The following DMBX1 variants were observed in gnomAD, a reference collection of about 807,000 sequenced individuals.
DMBX1 encodes the protein diencephalon/mesencephalon homeobox 1, also known as diencephalon/mesencephalon homeobox protein 1.
In DMBX1, 7 loss-of-function variants were observed where a neutral mutation model predicts 30.4. The ratio of observed to expected loss-of-function variants is 0.23; its 90% CI spans 0.13 to 0.43. The LOEUF is 0.43. DMBX1 is among the 20% of genes least tolerant of loss of function. The probability of loss-of-function intolerance (pLI) is 1.00; values close to 1 mark genes in which losing one functional copy is unlikely to be tolerated. For missense variants in DMBX1, 460 were observed against 508.5 expected, an observed-to-expected ratio of 0.90 and a Z score of 0.92; for synonymous variants, 222 against 214.2, an observed-to-expected ratio of 1.04 and a Z score of -0.32.
chr1:46,503,452 G>A (rs1476187716), intron 2 of DMBX1, among the ~76,000 whole-genome samples: 1 of 152,208 alleles, frequency 6.6e-6, no homozygotes, highest in Non-Finnish European at 1.5e-5. Context: ...TAATAAATAT[G>A]TGTTGGATGA....
At chr1:46,500,563 AAAAG>A (rs1205372934) in intron 2 of DMBX1, among the ~76,000 whole-genome samples, 9 of 151,090 alleles carry the variant, frequency 6.0e-5, no homozygotes, top group African/African-American at 9.7e-5. Context: ...CCTCCCCCAA[AAAAG>A]AAAGAAAGAA....
chr1:46,501,245 T>C (rs12071192), intron 2 of DMBX1, among the ~76,000 whole-genome samples: 24,567 of 116,436 alleles, frequency 0.21, 3,034 homozygotes, highest in East Asian at 0.49. Context: ...TTTCTTTCTT[T>C]CTTTCTTTCT....
intron 5 of DMBX1, 89 bp downstream of exon 5, chr1:46,511,372 CA>C: frequency 7.7e-7 from 1 of 1,307,160 alleles, no homozygotes. Flanking sequence ...AACTGCCCCT[CA>C]GGGGCATGGC....
At chr1:46,500,434 A>T (rs1276993480) in intron 2 of DMBX1, among the ~76,000 whole-genome samples, 1 of 152,086 alleles carries the variant, frequency 6.6e-6, no homozygotes, top group Non-Finnish European at 1.5e-5. Context: ...GTTGGGATGG[A>T]TGAAATTGCT....
chr1:46,508,067 G>A (rs1469898112), intron 3 of DMBX1, among the ~76,000 whole-genome samples: 1 of 151,352 alleles, frequency 6.6e-6, no homozygotes, highest in Non-Finnish European at 1.5e-5. Context: ...AGGATTCAGT[G>A]GCATGGATGG....
At chr1:46,501,192 C>CCTT (rs1666118832) in intron 2 of DMBX1, among the ~76,000 whole-genome samples, 2 of 67,838 alleles carry the variant, frequency 2.9e-5, no homozygotes, top group South Asian at 6.3e-4. Context: ...TTCTTTCTCT[C>CCTT]CCTTCCTTCC....
chr1:46,499,164 G>A (rs555473070), intron 2 of DMBX1, among the ~76,000 whole-genome samples: 2 of 152,020 alleles, frequency 1.3e-5, no homozygotes, highest in East Asian at 3.9e-4. Flanking sequence ...AGCCTCCCGA[G>A]TAGCTGGGAT....
At chr1:46,499,100 G>A (rs1666076211) in intron 2 of DMBX1, among the ~76,000 whole-genome samples, 1 of 151,212 alleles carries the variant, frequency 6.6e-6, no homozygotes, top group Non-Finnish European at 1.5e-5. Context: ...GCAGTGGCGC[G>A]ATCTCTGCTC....
At chr1:46,494,516 A>G (rs988117234) in intron 2 of DMBX1, among the ~76,000 whole-genome samples, 9 of 152,158 alleles carry the variant, frequency 5.9e-5, no homozygotes, top group South Asian at 2.1e-4. Context: ...AACAGTTTGT[A>G]TAGGGAACTA....
intron 2 of DMBX1, among the ~76,000 whole-genome samples, chr1:46,492,338 A>G (rs1665945461): frequency 6.6e-6 from 1 of 152,208 alleles, no homozygotes; most frequent in African/African-American, 2.4e-5. Flanking sequence ...TCTGTTCTCA[A>G]ACATAACTTG....
Position 46,507,038 on chromosome 1 carries a change from T to G in DMBX1, c.28T>G (p.Ser10Ala). Reference sequence around the variant, plus strand: ...GCAGCACTACGGGGTGAACGGCTACTCACTGCACGCCATGAACTCACTCAG... The same window carrying G: ...GCAGCACTACGGGGTGAACGGCTACGCACTGCACGCCATGAACTCACTCAG... Reference protein sequence around the residue: MQHYGVNGYSLHAMNSLSAM... With the variant: MQHYGVNGYALHAMNSLSAM... The change falls in exon 3 of 6, where the codon TCA (serine) becomes GCA (alanine). Residue 10 changes from serine to alanine, a missense_variant. By Grantham distance (99) the Ser-to-Ala change is moderately conservative. Transcript: ENST00000360032. 1 of 1,614,218 alleles carries G rather than the reference T, an allele frequency of 6.2e-7. No homozygotes were observed. The highest frequency in any genetic ancestry group is 2.2e-5 in the East Asian group (1 of 44,888).
chr1:46,492,169 G>A (rs979653394), intron 2 of DMBX1, among the ~76,000 whole-genome samples: 1 of 152,232 alleles, frequency 6.6e-6, no homozygotes, highest in Non-Finnish European at 1.5e-5. Flanking sequence ...AGGCCATGGC[G>A]AAGGACAAGC....
chr1:46,507,208 G>C lies in DMBX1; in HGVS notation c.154+44G>C, dbSNP rs751592441. ...GGACCATGGGGACAGGACTGTGGGG[G>C]TTGGGGGAGAAGGCTCTGGAAGGCA... On this transcript the variant is annotated intron_variant, in intron 3 of 5. Coordinates refer to ENST00000360032, the MANE Select transcript of DMBX1 (RefSeq NM_172225.2). 1.2e-4 allele frequency: 187 copies of C among 1,605,442 alleles called. 1 individual carries two copies. In the South Asian group the frequency reaches 1.8e-3, roughly 16 times the overall value.
intron 2 of DMBX1, among the ~76,000 whole-genome samples, chr1:46,498,198 G>T (rs1211154146): frequency 1.3e-5 from 2 of 152,148 alleles, no homozygotes; most frequent in African/African-American, 4.8e-5. Context: ...AGGGCCCACT[G>T]GGCAGGGGTC....
At chr1:46,501,237 T>C (rs373641001) in intron 2 of DMBX1, among the ~76,000 whole-genome samples, 28,846 of 89,498 alleles carry the variant, frequency 0.32, 4,193 homozygotes, top group East Asian at 0.56. Context: ...TTTCTTTCTT[T>C]CTTTCTTTCT....
chr1:46,503,227 CT>C (rs2148486112), intron 2 of DMBX1, among the ~76,000 whole-genome samples: 1 of 152,368 alleles, frequency 6.6e-6, no homozygotes, highest in South Asian at 2.1e-4. Context: ...CTTCAAGTTT[CT>C]GCTCAAATGT....
At chr1:46,496,570 A>T (rs1045070715) in intron 2 of DMBX1, among the ~76,000 whole-genome samples, 2 of 152,170 alleles carry the variant, frequency 1.3e-5, no homozygotes, top group African/African-American at 4.8e-5. Context: ...CTTCTTTTAA[A>T]ATCTTGGACC....
intron 3 of DMBX1, among the ~76,000 whole-genome samples, chr1:46,508,907 G>A (rs1666294881): frequency 6.6e-6 from 1 of 150,478 alleles, no homozygotes; most frequent in Non-Finnish European, 1.5e-5. Flanking sequence ...GGCTGACAGA[G>A]CGGTCCCCAC....
At chr1:46,501,164 CTG>C (rs1158389692) in intron 2 of DMBX1, among the ~76,000 whole-genome samples, 1 of 151,238 alleles carries the variant, frequency 6.6e-6, no homozygotes, top group African/African-American at 2.4e-5. Context: ...CTCTCTCTCT[CTG>C]TCTCTTTCTT....
Sources: gnomAD v4.1 joint callset for allele counts (sites outside exome capture counted in the v4.1 genomes callset) on GRCh38, gnomAD v4.1.1 for gene constraint, MANE v1.5 for transcripts, NCBI Gene and HGNC (gene_info 2026-07-23, HGNC 2026-07-21) for gene names.